Variants in TAOK1 observed in about 807,000 individuals in gnomAD.
TAOK1 encodes the protein serine/threonine-protein kinase TAO1.
Under a neutral mutation model 138.3 loss-of-function variants are expected in TAOK1, and 21 were observed. The ratio of observed to expected loss-of-function variants is 0.15; its 90% CI spans 0.11 to 0.22. TAOK1 has a LOEUF of 0.22. Ranked by LOEUF, TAOK1 falls within the 10% of genes least tolerant of loss-of-function variation. The pLI, the probability that TAOK1 is intolerant of heterozygous loss-of-function variation, is 1.00. For synonymous variants in TAOK1, 361 were observed against 398.4 expected (o/e 0.91, Z 1.12); for missense variants, 651 against 1,227.7 (o/e 0.53, Z 7.02).
intron 1 of TAOK1, among the ~76,000 whole-genome samples, chr17:29,416,825 T>C (rs1030301698): frequency 2.0e-5 from 3 of 152,158 alleles, no homozygotes; most frequent in African/African-American, 7.2e-5. Flanking sequence ...GGGTTATCTT[T>C]TATTCTTTTA....
rs1000466247 is a variant in TAOK1 at position 29,544,056 on chromosome 17, T to C, written c.*1034T>C. The C allele has an allele frequency of 1.4e-4, 21 of 152,642 alleles. No individual in the cohort carries two copies. Among genetic ancestry groups the C allele is most frequent in the African/African-American group, 4.6e-4 (19 of 41,452 alleles). 9.5% of individuals were successfully genotyped at this position (152,642 alleles called of 1,614,324 possible). A position where few individuals can be genotyped will look rare whatever the true frequency, so the allele number is the denominator to read the frequency against. Reference sequence around the variant, plus strand: ...TTGTTTGTACAAAAACAAAGACATATAGCCAATACAAATCAAATGCCGGAG... The same window carrying C: ...TTGTTTGTACAAAAACAAAGACATACAGCCAATACAAATCAAATGCCGGAG... On this transcript the variant is annotated 3_prime_UTR_variant, in exon 20 of 20. Coordinates refer to ENST00000261716, the MANE Select transcript of TAOK1 (RefSeq NM_020791.4).
intron 15 of TAOK1, among the ~76,000 whole-genome samples, chr17:29,515,745 A>G (rs12603435): frequency 1 from 151,518 of 151,526 alleles, 75,755 homozygotes; most frequent in Non-Finnish European, 1. Context: ...TGAGGCAGGA[A>G]AAATCACTGG....
intron 1 of TAOK1, among the ~76,000 whole-genome samples, chr17:29,406,371 T>A (rs1312233769): frequency 6.6e-6 from 1 of 151,614 alleles, no homozygotes; most frequent in African/African-American, 2.4e-5. Flanking sequence ...GAAAAAAAAA[T>A]AAAAGTACAA....
intron 2 of TAOK1, among the ~76,000 whole-genome samples, chr17:29,457,089 C>CTTTTTTTTTTT (rs548221652): frequency 1.0e-4 from 11 of 107,408 alleles, no homozygotes; most frequent in Non-Finnish European, 1.9e-4. Flanking sequence ...TTTTCTTTTT[C>CTTTTTTTTTTT]TTTTTTTTTT....
intron 2 of TAOK1, among the ~76,000 whole-genome samples, chr17:29,465,409 C>G (rs935159336): frequency 6.6e-6 from 1 of 152,052 alleles, no homozygotes; most frequent in African/African-American, 2.4e-5. Flanking sequence ...CTCTGCCTCC[C>G]AGAGTGCTGG....
At chr17:29,542,465 A>G in intron 19 of TAOK1, 96 bp from the exon 20 acceptor site, 1 of 1,089,718 alleles carries the variant, frequency 9.2e-7, no homozygotes, top group South Asian at 2.1e-5. Context: ...ATACATCCAT[A>G]AAATAACCAC....
At chr17:29,444,244 C>G (rs1029726029) in intron 1 of TAOK1, among the ~76,000 whole-genome samples, 5 of 152,152 alleles carry the variant, frequency 3.3e-5, no homozygotes, top group Admixed American at 1.3e-4. Flanking sequence ...AAGCTCCTTG[C>G]TGCTGTTTCT....
At chr17:29,464,851 G>T (rs1018592561) in intron 2 of TAOK1, among the ~76,000 whole-genome samples, 3 of 147,746 alleles carry the variant, frequency 2.0e-5, no homozygotes, top group Admixed American at 6.8e-5. Context: ...TTGATACAGG[G>T]TCTCTGTTGC....
At position 29,477,694 on chromosome 17, in the gene TAOK1, G is replaced by A; in HGVS notation, c.340G>A (p.Asp114Asn). The A allele has an allele frequency of 7.1e-7, 1 of 1,411,746 alleles. No individual in the cohort carries two copies. Among genetic ancestry groups the A allele is most frequent in the Non-Finnish European group, 9.3e-7 (1 of 1,071,894 alleles). The allele number at this position is 1,411,746 out of a possible 1,614,324, so 87.5% of individuals were successfully genotyped here. The change falls in exon 5 of 20, where the codon GAT (aspartate) becomes AAT (asparagine). Residue 114 changes from aspartate to asparagine, a missense_variant. Asp to Asn is a conservative substitution (Grantham distance 23, BLOSUM62 1). This residue lies in a region of TAOK1 where 116 missense variants were observed against 213.9 expected (regional missense o/e 0.54). Transcript: ENST00000261716. ...GGAATATTGTTTAGGATCTGCTTCGGATTTACTAGAAGGTAAGTTCCCTTT... is the reference window on the plus strand; with the variant it reads ...GGAATATTGTTTAGGATCTGCTTCGAATTTACTAGAAGGTAAGTTCCCTTT... ...VMEYCLGSASDLLEVHKKPLQ... is the reference protein window; with the variant it reads ...VMEYCLGSASNLLEVHKKPLQ...
intron 12 of TAOK1, among the ~76,000 whole-genome samples, chr17:29,499,043 C>CA (rs1346314335): frequency 6.6e-6 from 1 of 151,468 alleles, no homozygotes; most frequent in African/African-American, 2.4e-5. Context: ...GGAACTATTT[C>CA]AAAATATTAG....
intron 16 of TAOK1, among the ~76,000 whole-genome samples, chr17:29,520,337 T>A (rs1164820432): frequency 6.6e-6 from 1 of 152,028 alleles, no homozygotes; most frequent in Non-Finnish European, 1.5e-5. Flanking sequence ...CACCTATAAT[T>A]CCAACACTTT....
At chr17:29,472,274 A>G (rs1216661662) in intron 3 of TAOK1, among the ~76,000 whole-genome samples, 2 of 137,652 alleles carry the variant, frequency 1.5e-5, no homozygotes, top group Non-Finnish European at 3.1e-5. Context: ...TTTTTTTGAG[A>G]TGGAGTTCAT....
At chr17:29,397,671 GT>G (rs1904676267) in intron 1 of TAOK1, among the ~76,000 whole-genome samples, 1 of 27,258 alleles carries the variant, frequency 3.7e-5, no homozygotes, top group Non-Finnish European at 6.0e-5. Flanking sequence ...TATGATACAT[GT>G]ATACATGTAT....
chr17:29,450,454 ATCCAGCAGTGTCAT>A (rs2030202776), intron 1 of TAOK1, among the ~76,000 whole-genome samples: 1 of 152,092 alleles, frequency 6.6e-6, no homozygotes, highest in South Asian at 2.1e-4. Context: ...TGGGATTCCT[ATCCAGCAGTGTCAT>A]TCCAGAGTCC....
intron 1 of TAOK1, among the ~76,000 whole-genome samples, chr17:29,434,129 C>T (rs1344823752): frequency 1.3e-5 from 2 of 152,060 alleles, no homozygotes; most frequent in Non-Finnish European, 2.9e-5. Context: ...GAGAGGGAGG[C>T]CAAAAACCCG....
At chr17:29,431,909 C>T (rs1389413351) in intron 1 of TAOK1, among the ~76,000 whole-genome samples, 7 of 150,258 alleles carry the variant, frequency 4.7e-5, no homozygotes, top group Admixed American at 2.7e-4. Flanking sequence ...CGGGTTCAAG[C>T]GATTCTCCTA....
At chr17:29,473,950 T>C (rs1285209739) in intron 3 of TAOK1, among the ~76,000 whole-genome samples, 1 of 152,138 alleles carries the variant, frequency 6.6e-6, no homozygotes, top group African/African-American at 2.4e-5. Flanking sequence ...CAGGCTGGTC[T>C]TGAACTCCTG....
At chr17:29,455,297 A>G (rs2030346783) in intron 2 of TAOK1, among the ~76,000 whole-genome samples, 1 of 150,656 alleles carries the variant, frequency 6.6e-6, no homozygotes, top group Non-Finnish European at 1.5e-5. Context: ...GCTGATGTAT[A>G]GAAACATAGC....
chr17:29,461,915 A>T (rs1006564863), intron 2 of TAOK1, among the ~76,000 whole-genome samples: 4 of 152,332 alleles, frequency 2.6e-5, no homozygotes, highest in Admixed American at 6.5e-5. Flanking sequence ...ATGAACATGT[A>T]GATGAGGAAA....
Sources: gnomAD v4.1 joint callset for allele counts (sites outside exome capture counted in the v4.1 genomes callset) on GRCh38, gnomAD v4.1.1 for gene constraint, gnomAD v4.1.1 regional missense constraint, MANE v1.5 for transcripts, NCBI Gene and HGNC (gene_info 2026-07-23, HGNC 2026-07-21) for gene names.